HLTF: variants seen among roughly 807,000 people sequenced by gnomAD.
HLTF encodes helicase like transcription factor, also known as DNA-dependent ATPase/E3 ubiquitin-protein ligase HLTF.
In HLTF, 127 loss-of-function variants were observed where a neutral mutation model predicts 129.4. The observed-to-expected ratio is 0.98, with a 90% confidence interval of 0.85 to 1.14. HLTF has a LOEUF of 1.14. Ranked by LOEUF, HLTF falls within the 50% of genes most tolerant of loss-of-function variation. The probability of loss-of-function intolerance (pLI) is 0.00; values close to 1 mark genes in which losing one functional copy is unlikely to be tolerated. For synonymous variants in HLTF, 332 were observed against 388.8 expected, an observed-to-expected ratio of 0.85 and a Z score of 1.72; for missense variants, 1,139 against 1,187.1, an observed-to-expected ratio of 0.96 and a Z score of 0.60.
intron 18 of HLTF, among the ~76,000 whole-genome samples, chr3:149,043,224 G>C (rs558276530): frequency 6.6e-6 from 1 of 151,730 alleles, no homozygotes; most frequent in African/African-American, 2.4e-5. Context: ...TCAGAGAAAT[G>C]AAAGTCACAC....
At chr3:149,084,611 G>A (rs995914487) in intron 2 of HLTF, 71 bp downstream of exon 2, 5 of 1,099,588 alleles carry the variant, frequency 4.5e-6, no homozygotes, top group African/African-American at 3.2e-5. Context: ...CACATCACCT[G>A]CGAATTCTCT....
chr3:149,034,388 GAGAA>G (rs1209314408), intron 24 of HLTF, among the ~76,000 whole-genome samples: 1 of 152,084 alleles, frequency 6.6e-6, no homozygotes, highest in Non-Finnish European at 1.5e-5. Context: ...GTCAAATTCA[GAGAA>G]AGAAAGTAGA....
At chr3:149,040,693 C>A (rs919382517) in intron 20 of HLTF, among the ~76,000 whole-genome samples, 4 of 151,920 alleles carry the variant, frequency 2.6e-5, no homozygotes, top group Non-Finnish European at 5.9e-5. Context: ...AACACCATTA[C>A]AATTAAATAA....
intron 17 of HLTF, 120 bp downstream of exon 17, chr3:149,047,908 T>A: frequency 1.3e-6 from 1 of 750,568 alleles, no homozygotes; most frequent in South Asian, 2.5e-5. Context: ...TACTGAGCCA[T>A]AAACACTTTT....
At chr3:149,077,965 A>C (rs1170623102) in intron 2 of HLTF, among the ~76,000 whole-genome samples, 1 of 152,174 alleles carries the variant, frequency 6.6e-6, no homozygotes, top group East Asian at 1.9e-4. Context: ...AATTCAGGAA[A>C]GTCACTAACA....
chr3:149,042,325 C>T, intron 18 of HLTF, 35 bp from the exon 19 acceptor site: 10 of 1,541,764 alleles, frequency 6.5e-6, no homozygotes, highest in Non-Finnish European at 8.9e-6. Flanking sequence ...ATTAAGTCCG[C>T]TAAACAATAA....
intron 14 of HLTF, among the ~76,000 whole-genome samples, chr3:149,051,191 T>C (rs1419969751): frequency 6.6e-6 from 1 of 151,442 alleles, no homozygotes; most frequent in Non-Finnish European, 1.5e-5. Context: ...GCTCTGATAC[T>C]TGAATGACTA....
At chr3:149,045,211 C>G (rs1393689632) in intron 18 of HLTF, among the ~76,000 whole-genome samples, 1 of 152,130 alleles carries the variant, frequency 6.6e-6, no homozygotes, top group Non-Finnish European at 1.5e-5. Flanking sequence ...TCTACACTTG[C>G]TCTTCCTTCT....
chr3:149,073,366 AG>A, intron 4 of HLTF, 44 bp from the exon 5 acceptor site: 1 of 1,378,720 alleles, frequency 7.3e-7, no homozygotes. Context: ...CAAATAAAGT[AG>A]GTTTTTATCT....
At chr3:149,051,708 A>G (rs1350956042) in intron 14 of HLTF, among the ~76,000 whole-genome samples, 1 of 152,158 alleles carries the variant, frequency 6.6e-6, no homozygotes, top group East Asian at 1.9e-4. Flanking sequence ...TAAAAATACA[A>G]AAATTAGCTG....
intron 14 of HLTF, among the ~76,000 whole-genome samples, chr3:149,050,820 T>A (rs576967040): frequency 4.1e-4 from 62 of 152,280 alleles, no homozygotes; most frequent in Admixed American, 7.8e-4. Flanking sequence ...TGGCCTACTA[T>A]TTGCCAGGTA....
At position 149,042,224 on chromosome 3, in the gene HLTF, C is replaced by A; in HGVS notation, c.2139G>T (p.Arg713=). 6.2e-7 allele frequency: 1 copy of A among 1,613,132 alleles called. No individual in the cohort carries two copies. Among genetic ancestry groups the A allele is most frequent in the Non-Finnish European group, 8.5e-7 (1 of 1,179,226 alleles). The change falls in exon 19 of 25, where the codon CGG becomes CGT. Residue 713 remains arginine (R), a synonymous_variant. Transcript: ENST00000310053. The stretch of plus-strand genomic sequence containing the variant: ...GAAGGTAAGTATGGCAACAAATTTG[C>A]CGCAGTCTAAGCAAAAGACCCAGGA... The part of the protein sequence containing the change: ...ADVLGLLLRL[R]QICCHTYLLT...
At chr3:149,054,336 T>C (rs1717246031) in intron 14 of HLTF, among the ~76,000 whole-genome samples, 1 of 151,970 alleles carries the variant, frequency 6.6e-6, no homozygotes, top group South Asian at 2.1e-4. Flanking sequence ...AACCTGAGTA[T>C]GTATCAGGAA....
Position 149,059,200 on chromosome 3 carries a change from T to C in HLTF, c.1375+518A>G, listed in dbSNP as rs578098857. Among the ~76,000 whole-genome samples the C allele has an allele frequency of 6.6e-5, 10 of 152,296 alleles. No individual in the cohort carries two copies. In the East Asian group the frequency reaches 1.7e-3, roughly 26 times the overall value. ...CCTGCTATATCCCCAACATGTAAAATAATGGAGACCAAGGGGCAGAGATAT... is the reference window on the plus strand; with the variant it reads ...CCTGCTATATCCCCAACATGTAAAACAATGGAGACCAAGGGGCAGAGATAT... On this transcript the variant is annotated intron_variant, in intron 13 of 24. Transcript: ENST00000310053.
intron 13 of HLTF, 126 bp from the exon 14 acceptor site, chr3:149,055,526 A>G: frequency 1.5e-6 from 1 of 657,866 alleles, no homozygotes; most frequent in African/African-American, 1.8e-5. Flanking sequence ...AAGCAGATGG[A>G]CTTTTAACAG....
At chr3:149,064,665 TGTACA>T (rs761637225) in intron 9 of HLTF, 121 bp downstream of exon 9, 1 of 599,644 alleles carries the variant, frequency 1.7e-6, no homozygotes, top group Non-Finnish European at 2.9e-6. Flanking sequence ...CCTAAATTTT[TGTACA>T]GTACAAAGCC....
chr3:149,079,162 A>G (rs115976491), intron 2 of HLTF, among the ~76,000 whole-genome samples: 2,745 of 152,102 alleles, frequency 0.018, 90 homozygotes, highest in African/African-American at 0.063. Flanking sequence ...TAAGAGTACC[A>G]TAAGGAGAAA....
rs527936981 is a variant in HLTF, at chr3:149,043,718, GC to G, written c.2073-1429del. 2.2e-4 allele frequency among the ~76,000 whole-genome samples: 33 copies of G among 152,248 alleles called. No individual in the cohort carries two copies. The South Asian group carries it at 6.8e-3, about 32-fold the overall frequency. ...GCAACAGAAGAAATATAGCCTAACGGCTAAGAGTACAAATTTTTAGAGCTAG... is the reference window on the plus strand; with the variant it reads ...GCAACAGAAGAAATATAGCCTAACGGTAAGAGTACAAATTTTTAGAGCTAG... On this transcript the variant is annotated intron_variant, in intron 18 of 24. Coordinates refer to ENST00000310053, the MANE Select transcript of HLTF (RefSeq NM_003071.4).
Position 149,084,679 on chromosome 3 carries a change from C to T in HLTF, c.228+3G>A, listed in dbSNP as rs749455102. ...AAATTTAATTATCTACTATTATACT[C>T]ACTACTCCCGTGTAATAGCGTAGTC... On this transcript the variant is annotated splice_donor_region_variant and intron_variant, in intron 2 of 24. Transcript: ENST00000310053. 1.9e-6 allele frequency: 3 copies of T among 1,584,140 alleles called. No homozygotes were observed. The highest frequency in any genetic ancestry group is 2.6e-6 in the Non-Finnish European group (3 of 1,152,864).
Sources: gnomAD v4.1 joint callset for allele counts (sites outside exome capture counted in the v4.1 genomes callset) on GRCh38, gnomAD v4.1.1 for gene constraint, MANE v1.5 for transcripts, NCBI Gene and HGNC (gene_info 2026-07-23, HGNC 2026-07-21) for gene names.